The following N4BP2 variants were observed in gnomAD, a reference collection of about 807,000 sequenced individuals.
The protein encoded by N4BP2 is NEDD4 binding protein 2.
N4BP2 carries 91 observed loss-of-function variants against 152.8 expected under a neutral mutation model. That is an observed-to-expected ratio of 0.60 (90% CI 0.50 to 0.71). The LOEUF (loss-of-function observed/expected upper bound fraction) is 0.71, where lower values mean the gene tolerates loss of function less well. N4BP2 is among the 30% of genes least tolerant of loss of function. The probability of loss-of-function intolerance (pLI) is 0.00; values close to 1 mark genes in which losing one functional copy is unlikely to be tolerated. For synonymous variants in N4BP2, 646 were observed against 705.3 expected (o/e 0.92, Z 1.33); for missense variants, 1,923 against 2,059.1 (o/e 0.93, Z 1.28).
intron 16 of N4BP2, among the ~76,000 whole-genome samples, chr4:40,145,489 G>C (rs1430521904): frequency 2.0e-5 from 3 of 152,116 alleles, no homozygotes; most frequent in African/African-American, 7.2e-5. Flanking sequence ...TTCCCAAAGT[G>C]AGCTACTGCT....
intron 5 of N4BP2, among the ~76,000 whole-genome samples, chr4:40,108,674 G>T (rs1716562652): frequency 6.6e-6 from 1 of 152,188 alleles, no homozygotes; most frequent in Admixed American, 6.5e-5. Context: ...AACTGAATCT[G>T]TGGGGACATC....
intron 16 of N4BP2, among the ~76,000 whole-genome samples, chr4:40,148,466 GGGAGA>G (rs1167195556): frequency 1.2e-4 from 12 of 104,126 alleles, no homozygotes; most frequent in Non-Finnish European, 2.3e-4. Flanking sequence ...GGAGACTGTG[GGGAGA>G]GGGAGAGGGG....
chr4:40,085,102 G>C (rs913640436), intron 2 of N4BP2, among the ~76,000 whole-genome samples: 2 of 151,834 alleles, frequency 1.3e-5, no homozygotes, highest in Non-Finnish European at 2.9e-5. Flanking sequence ...TAGTAGAGAC[G>C]GGGCTTCACT....
chr4:40,082,275 C>CAAAAAAAA (rs370100487), intron 2 of N4BP2, among the ~76,000 whole-genome samples: 1 of 95,030 alleles, frequency 1.1e-5, no homozygotes, highest in Non-Finnish European at 2.0e-5. Flanking sequence ...GACCCTGTCT[C>CAAAAAAAA]AAAAAAAAAA....
At chr4:40,183,509 T>G in the N4BP2 span, among the ~76,000 whole-genome samples, 1 of 152,124 alleles carries the variant, frequency 6.6e-6, no homozygotes, top group Non-Finnish European at 1.5e-5. Flanking sequence ...CTAATTTTTT[T>G]GTATTTTTAG....
chr4:40,119,427 T>C (rs186216377), intron 8 of N4BP2, among the ~76,000 whole-genome samples: 1 of 152,350 alleles, frequency 6.6e-6, no homozygotes. Context: ...CTTTAAAAAA[T>C]CTTACCAAAT....
At chr4:40,124,321 G>T (rs1718197862) in intron 11 of N4BP2, 116 bp downstream of exon 11, 3 of 552,310 alleles carry the variant, frequency 5.4e-6, no homozygotes, top group South Asian at 2.9e-5. Flanking sequence ...ATTTTGATTT[G>T]CAAATAAAAG....
chr4:40,136,903 T>G lies in N4BP2; in HGVS notation c.4647-41T>G, dbSNP rs764957502. On this transcript the variant is annotated intron_variant, in intron 13 of 17. Coordinates refer to ENST00000261435, the MANE Select transcript of N4BP2 (RefSeq NM_018177.6). ...GTGTTAATGTCCCACACAACTTATT[T>G]TCATTTATTGACATTATGTTTCTAC... 2.7e-6 allele frequency: 4 copies of G among 1,474,090 alleles called. No individual in the cohort carries two copies. In the Admixed American group the frequency reaches 7.3e-5, roughly 27 times the overall value. The allele number at this position is 1,474,090 out of a possible 1,614,324, so 91.3% of individuals were successfully genotyped here. A position where few individuals can be genotyped will look rare whatever the true frequency, so the allele number is the denominator to read the frequency against.
At position 40,104,198 on chromosome 4, in the gene N4BP2, C is replaced by T. The variant is rs534184680; in HGVS notation, c.1373+980C>T. 4.6e-5 allele frequency among the ~76,000 whole-genome samples: 7 copies of T among 151,812 alleles called. No homozygotes were observed. In the East Asian group the frequency reaches 1.4e-3, roughly 29 times the overall value. ...CGATTTCCTGACCTCGTGATCCACC[C>T]GCCCCGGCCTCCCAAAGTGCTGGGA... On this transcript the variant is annotated intron_variant, in intron 4 of 17. Coordinates refer to ENST00000261435, the MANE Select transcript of N4BP2 (RefSeq NM_018177.6).
chr4:40,128,176 T>C (rs577951009), intron 12 of N4BP2, among the ~76,000 whole-genome samples: 24 of 152,304 alleles, frequency 1.6e-4, no homozygotes, highest in Middle Eastern at 3.4e-3. Context: ...GAATTCCAGG[T>C]CAAAAGGGAA....
At chr4:40,115,633 C>A (rs7657511) in intron 7 of N4BP2, among the ~76,000 whole-genome samples, 102,961 of 151,936 alleles carry the variant, frequency 0.68, 35,491 homozygotes, top group South Asian at 0.77. Flanking sequence ...TGGGTTATGT[C>A]GTACTGTGTT....
rs1417580320 is a variant in N4BP2, at chr4:40,131,811, C to A, written c.4538C>A (p.Thr1513Asn). The change falls in exon 13 of 18, where the codon ACC (threonine) becomes AAC (asparagine). Residue 1513 changes from threonine (T) to asparagine (N), a missense_variant. Thr to Asn is a moderately conservative substitution (Grantham distance 65). Coordinates refer to ENST00000261435, the MANE Select transcript of N4BP2 (RefSeq NM_018177.6). ...LQEKHNLKRE[T>N]LMFEKDCATK... The stretch of plus-strand genomic sequence containing the variant: ...ATGTTTTTGTTTTAGAAAAGGGAGA[C>A]CCTTATGTTTGAAAAAGATTGTGCC... 1.9e-6 allele frequency: 3 copies of A among 1,611,640 alleles called. No homozygotes were observed. Among genetic ancestry groups the A allele is most frequent in the Non-Finnish European group, 2.5e-6 (3 of 1,178,204 alleles).
At chr4:40,167,548 C>T in the N4BP2 span, 1 of 152,158 alleles carries the variant, frequency 6.6e-6, no homozygotes, top group Non-Finnish European at 1.5e-5. Context: ...CTCTTTCCAG[C>T]CAAGCATCAT....
At chr4:40,111,343 C>T (rs377207378) in intron 5 of N4BP2, among the ~76,000 whole-genome samples, 5 of 152,184 alleles carry the variant, frequency 3.3e-5, no homozygotes, top group South Asian at 2.1e-4. Flanking sequence ...TTTTTTGAGA[C>T]GGAGTCTTAC....
rs368324890 is a variant in N4BP2, at chr4:40,118,024, G to A, written c.1820G>A (p.Ser607Asn). 1 of 1,562,696 alleles carries A rather than the reference G, an allele frequency of 6.4e-7. No homozygotes were observed. The highest frequency in any genetic ancestry group is 8.6e-7 in the Non-Finnish European group (1 of 1,156,888). Residue 607 changes from serine (S) to asparagine (N), a missense_variant and splice_region_variant, in exon 8 of 18, where the codon AGC becomes AAC. Physicochemically the swap from Ser to Asn is conservative, Grantham distance 46 (BLOSUM62 1). Coordinates refer to ENST00000261435, the MANE Select transcript of N4BP2 (RefSeq NM_018177.6). ...CAYSCEDRST[S>N]PRDDEDIISE... is the part of the protein sequence containing the mutation. ...TATTCTTGTGAGGATAGAAGCACTA[G>A]GTAGGTTAAAATGCCTTATGTACAA...
At chr4:40,142,275 G>C (rs1300843298) in intron 14 of N4BP2, 1 of 321,830 alleles carries the variant, frequency 3.1e-6, no homozygotes, top group Non-Finnish European at 6.1e-6. Flanking sequence ...AACTGCTCTG[G>C]TTCCTTTGGA....
intron 2 of N4BP2, among the ~76,000 whole-genome samples, chr4:40,091,385 C>T (rs943186610): frequency 1.3e-5 from 2 of 151,942 alleles, no homozygotes; most frequent in Admixed American, 1.3e-4. Context: ...AATACAATGT[C>T]AGCTGTAGGT....
Position 40,095,381 on chromosome 4 carries a change from C to A in N4BP2, c.-114-1846C>A, listed in dbSNP as rs372084170. 1.4e-4 allele frequency among the ~76,000 whole-genome samples: 22 copies of A among 152,254 alleles called. No individual in the cohort carries two copies. In the East Asian group the frequency reaches 4.2e-3, roughly 29 times the overall value. On this transcript the variant is annotated intron_variant, in intron 2 of 17. Coordinates refer to ENST00000261435, the MANE Select transcript of N4BP2 (RefSeq NM_018177.6). ...CAGGCGTGAGCCATAACGCCCAGCC[C>A]GCTATATCTTTTTGATGGCCTGATC... is the stretch of plus-strand genomic sequence containing the variant.
intron 2 of N4BP2, among the ~76,000 whole-genome samples, chr4:40,086,131 AT>A (rs59899449): frequency 5.0e-4 from 65 of 130,206 alleles, no homozygotes; most frequent in African/African-American, 9.5e-4. Context: ...TGCCCGGCTA[AT>A]TTTTTTTTTT....
Sources: gnomAD v4.1 joint callset for allele counts (sites outside exome capture counted in the v4.1 genomes callset) on GRCh38, gnomAD v4.1.1 for gene constraint, MANE v1.5 for transcripts, NCBI Gene and HGNC (gene_info 2026-07-23, HGNC 2026-07-21) for gene names.